Variants in MRPS21 observed in about 807,000 individuals in gnomAD.
The protein encoded by MRPS21 is mitochondrial ribosomal protein S21.
A neutral mutation model predicts 9.9 loss-of-function variants in MRPS21; 8 were observed. The observed-to-expected ratio is 0.81, with a 90% CI of 0.47 to 1.45. MRPS21 has a LOEUF of 1.45. Ranked by LOEUF, MRPS21 falls within the 40% of genes most tolerant of loss-of-function variation. The pLI, the probability that MRPS21 is intolerant of heterozygous loss-of-function variation, is 0.00. For missense variants in MRPS21, 101 were observed against 118.9 expected, an observed-to-expected ratio of 0.85 and a Z score of 0.70; for synonymous variants, 40 against 40.3, an observed-to-expected ratio of 0.99 and a Z score of 0.03.
intron 2 of MRPS21, among the ~76,000 whole-genome samples, chr1:150,295,433 G>A (rs1334166884): frequency 2.0e-5 from 3 of 152,114 alleles, no homozygotes; most frequent in East Asian, 1.9e-4. Context: ...AGGGAGTCTC[G>A]CCATGTTGCC....
At chr1:150,304,905 A>G (rs782729811) in intron 2 of MRPS21, 2 of 281,272 alleles carry the variant, frequency 7.1e-6, no homozygotes, top group Non-Finnish European at 7.1e-6. Flanking sequence ...AACAAAAATT[A>G]GCTGGTGCTT....
At position 150,296,684 on chromosome 1, in the gene MRPS21, T is replaced by C. The variant is rs1653924862; in HGVS notation, c.83+2235T>C. ...GCCTTGGAAGATCAGATTATCTTTA[T>C]TGGGTTATGCAGTTATTGAATGGTG... On this transcript the variant is annotated intron_variant, in intron 2 of 2. Coordinates refer to ENST00000614145, the MANE Select transcript of MRPS21 (RefSeq NM_031901.6). Among the ~76,000 whole-genome samples, 6 of 152,220 alleles carry C rather than the reference T, an allele frequency of 3.9e-5. No homozygotes were observed. The South Asian group carries it at 1.2e-3, about 31-fold the overall frequency.
At chr1:150,299,286 T>C (rs1260531202) in intron 2 of MRPS21, among the ~76,000 whole-genome samples, 2 of 151,522 alleles carry the variant, frequency 1.3e-5, no homozygotes, top group Non-Finnish European at 2.9e-5. Flanking sequence ...GCAGAAAATA[T>C]AAGGCCAGCT....
At chr1:150,297,458 G>C (rs1653956270) in intron 2 of MRPS21, among the ~76,000 whole-genome samples, 1 of 152,042 alleles carries the variant, frequency 6.6e-6, no homozygotes, top group African/African-American at 2.4e-5. Flanking sequence ...GATCACCTGA[G>C]GTCAGGAGTT....
Position 150,294,338 on chromosome 1 carries a change from C to T in MRPS21, c.-29C>T, listed in dbSNP as rs781980598. 6.9e-6 allele frequency: 11 copies of T among 1,586,590 alleles called. No homozygotes were observed. The highest frequency in any genetic ancestry group is 9.5e-6 in the Non-Finnish European group (11 of 1,156,712). On this transcript the variant is annotated 5_prime_UTR_variant, in exon 2 of 3. Transcript: ENST00000614145. ...CCCTTTCTCCATCATCCTTTAGGCT[C>T]TACAGAGTGAAGGTTTAAATCCAAG... is the stretch of plus-strand genomic sequence containing the variant.
chr1:150,296,995 G>GA (rs1370870374), intron 2 of MRPS21, among the ~76,000 whole-genome samples: 1 of 152,072 alleles, frequency 6.6e-6, no homozygotes, highest in Non-Finnish European at 1.5e-5. Flanking sequence ...CCACAGTGAG[G>GA]AAAAAAATGC....
chr1:150,302,467 G>A (rs1340074484), intron 2 of MRPS21, among the ~76,000 whole-genome samples: 3 of 152,078 alleles, frequency 2.0e-5, no homozygotes, highest in African/African-American at 7.2e-5. Context: ...TACCTTCTGG[G>A]TCCATTGAGT....
At chr1:150,307,154 T>TG (rs1287521895) in intron 2 of MRPS21, among the ~76,000 whole-genome samples, 1 of 151,716 alleles carries the variant, frequency 6.6e-6, no homozygotes. Context: ...CAAACACTTC[T>TG]CCTGCCTGCC....
chr1:150,308,010 A>T (rs782050845), intron 2 of MRPS21, 38 bp from the exon 3 acceptor site: 2 of 1,478,008 alleles, frequency 1.4e-6, no homozygotes, highest in Non-Finnish European at 1.8e-6. Flanking sequence ...AATAATGATG[A>T]TCCCAAATGT....
At chr1:150,297,785 A>G (rs1776273) in intron 2 of MRPS21, among the ~76,000 whole-genome samples, 71,798 of 151,900 alleles carry the variant, frequency 0.47, 18,002 homozygotes, top group East Asian at 0.76. Flanking sequence ...AAAGATAAGT[A>G]CCAGGTTGTA....
In MRPS21 at chr1:150,308,157, A is replaced by G. The variant is rs782393117; in HGVS notation, c.193A>G (p.Asn65Asp). Residue 65 changes from asparagine (N) to aspartate (D), a missense_variant, in exon 3 of 3, where the codon AAC becomes GAC. Transcript: ENST00000614145. ...CTATGAAAGGTGCCGGCGGATCTAC[A>G]ACATGGAAATGGCTCGCAAGATCAA... ...ESYERCRRIYNMEMARKINFL... is the reference protein window; with the variant it reads ...ESYERCRRIYDMEMARKINFL... 6.2e-7 allele frequency: 1 copy of G among 1,609,730 alleles called. No individual in the cohort carries two copies. The highest frequency in any genetic ancestry group is 1.7e-5 in the Admixed American group (1 of 59,950).
intron 2 of MRPS21, among the ~76,000 whole-genome samples, chr1:150,295,970 T>TAA (rs4059293): frequency 0.015 from 2,033 of 134,358 alleles, 57 homozygotes; most frequent in African/African-American, 0.053. Context: ...TTTTTTTTTT[T>TAA]AAAACGGAGT....
intron 1 of MRPS21, 70 bp from the exon 2 acceptor site, chr1:150,294,263 CCG>C: frequency 9.5e-7 from 1 of 1,047,348 alleles, no homozygotes; most frequent in Non-Finnish European, 1.5e-6. Context: ...CCTAAATAAG[CCG>C]CGCGGTGTAG....
At chr1:150,295,445 A>T (rs1003605363) in intron 2 of MRPS21, among the ~76,000 whole-genome samples, 1 of 152,212 alleles carries the variant, frequency 6.6e-6, no homozygotes, top group Non-Finnish European at 1.5e-5. Context: ...CATGTTGCCC[A>T]AGCGTAATGA....
At position 150,296,443 on chromosome 1, in the gene MRPS21, T is replaced by C. The variant is rs587603938; in HGVS notation, c.83+1994T>C. ...AATTGTAAGGAAGGGGCTCCTGTAG[T>C]GCTAGCTGCTCCAGAGGCTGAGGCA... On this transcript the variant is annotated intron_variant, in intron 2 of 2. Transcript: ENST00000614145. Among the ~76,000 whole-genome samples the C allele has an allele frequency of 2.6e-5, 4 of 152,344 alleles. No individual in the cohort carries two copies. The East Asian group carries it at 7.7e-4, about 29-fold the overall frequency.
intron 2 of MRPS21, among the ~76,000 whole-genome samples, chr1:150,298,829 T>C (rs917047652): frequency 1.3e-5 from 2 of 151,268 alleles, no homozygotes; most frequent in Admixed American, 1.3e-4. Context: ...CTCGATCTCC[T>C]GACCTCGTGA....
chr1:150,304,134 A>T (rs1490650570), intron 2 of MRPS21: 2 of 405,582 alleles, frequency 4.9e-6, no homozygotes, highest in African/African-American at 4.1e-5. Flanking sequence ...AACATGGTGA[A>T]ACCCTGTCTC....
At chr1:150,297,122 T>A (rs500812) in intron 2 of MRPS21, among the ~76,000 whole-genome samples, 3 of 151,432 alleles carry the variant, frequency 2.0e-5, no homozygotes, top group Non-Finnish European at 4.4e-5. Context: ...AAACCCCGTC[T>A]CTACTAAAAA....
chr1:150,307,974 G>A (rs1654404525), intron 2 of MRPS21, 74 bp from the exon 3 acceptor site: 1 of 1,356,300 alleles, frequency 7.4e-7, no homozygotes, highest in African/African-American at 1.4e-5. Flanking sequence ...TTGGTCAATC[G>A]ACTTCTATTT....
Sources: gnomAD v4.1 joint callset for allele counts (sites outside exome capture counted in the v4.1 genomes callset) on GRCh38, gnomAD v4.1.1 for gene constraint, MANE v1.5 for transcripts, NCBI Gene and HGNC (gene_info 2026-07-23, HGNC 2026-07-21) for gene names.